Variants in NPC1 observed in about 807,000 individuals in gnomAD.
NPC1 encodes the protein Niemann-Pick C1 protein.
NPC1 carries 85 observed loss-of-function variants against 140.4 expected under a neutral mutation model. The observed-to-expected ratio is 0.61, with a 90% CI of 0.51 to 0.72. NPC1 has a LOEUF of 0.72. NPC1 is among the 30% of genes least tolerant of loss of function. The probability of loss-of-function intolerance (pLI) is 0.00; values close to 1 mark genes in which losing one functional copy is unlikely to be tolerated. For missense variants in NPC1, 1,504 were observed against 1,623.8 expected (o/e 0.93, Z 1.27); for synonymous variants, 656 against 624.8 (o/e 1.05, Z -0.74).
In NPC1 at chr18:23,531,783, TG is replaced by T; in HGVS notation, c.*418del. The T allele has an allele frequency of 6.4e-7, 1 of 1,553,914 alleles. No homozygotes were observed. Among genetic ancestry groups the T allele is most frequent in the South Asian group, 1.2e-5 (1 of 81,700 alleles). ...TAATAAAGCTCTTTAAACTATAAAA[TG>T]TTATAAAGTGTATCTACAACCTCAA... On this transcript the variant is annotated 3_prime_UTR_variant, in exon 25 of 25. Transcript: ENST00000269228.
At chr18:23,539,280 G>A (rs773650292) in intron 19 of NPC1, 75 bp downstream of exon 19, 55 of 987,972 alleles carry the variant, frequency 5.6e-5, no homozygotes, top group Non-Finnish European at 8.2e-5. Context: ...ACTGAGGCAC[G>A]ATGCAAATGA....
At chr18:23,566,947 T>C (rs766557182) in intron 4 of NPC1, among the ~76,000 whole-genome samples, 2 of 152,222 alleles carry the variant, frequency 1.3e-5, no homozygotes, top group Admixed American at 6.5e-5. Context: ...TCTTTTCAGA[T>C]TGGCTTTGCT....
At chr18:23,549,208 T>C (rs2058832290) in intron 10 of NPC1, among the ~76,000 whole-genome samples, 1 of 152,186 alleles carries the variant, frequency 6.6e-6, no homozygotes, top group Admixed American at 6.5e-5. Flanking sequence ...TTTTTTCTTC[T>C]TTTTTAGAGA....
Position 23,557,182 on chromosome 18 carries a change from T to A in NPC1, c.890A>T (p.Tyr297Phe), listed in dbSNP as rs776844130. The A allele has an allele frequency of 6.2e-7, 1 of 1,612,766 alleles. No individual in the cohort carries two copies. The highest frequency in any genetic ancestry group is 8.5e-7 in the Non-Finnish European group (1 of 1,179,340). ...FFAVWCYRKR[Y>F]FVSEYTPIDS... ...GATGGGAGTGTACTCGGAGACAAAA[T>A]ACCGTTTTCTGAAAAACAGAAGTGA... The change falls in exon 7 of 25, where the codon TAT (tyrosine) becomes TTT (phenylalanine). Residue 297 changes from tyrosine (Y) to phenylalanine (F), a missense_variant. By Grantham distance (22) the Tyr-to-Phe change is conservative (BLOSUM62 3). Transcript: ENST00000269228.
At position 23,533,400 on chromosome 18, in the gene NPC1, C is replaced by T. The variant is rs775550233; in HGVS notation, c.3709G>A (p.Ala1237Thr). The stretch of plus-strand genomic sequence containing the variant: ...GGGAGAAATATTAATCCGTGAGTGG[C>T]TCCCAGTAAGACCATGGCCAAATAC... ...RMYLAMVLLG[A>T]THGLIFLPVL... The change falls in exon 24 of 25, where the codon GCC becomes ACC. Residue 1237 changes from alanine to threonine, a missense_variant. Transcript: ENST00000269228. 6.2e-7 allele frequency: 1 copy of T among 1,614,148 alleles called. No individual in the cohort carries two copies. The highest frequency in any genetic ancestry group is 1.1e-5 in the South Asian group (1 of 91,080).
At position 23,556,547 on chromosome 18, in the gene NPC1, C is replaced by A; in HGVS notation, c.1022G>T (p.Arg341Leu). ...FEGCLRRLFT[R>L]WGSFCVRNPG... ...GTTTCGGACGCAGAAAGACCCCCAG[C>A]GTGTGAACAGCCGCCTCAAGCAGCC... The change falls in exon 8 of 25, where the codon CGC (arginine) becomes CTC (leucine). Residue 341 changes from arginine (R) to leucine (L), a missense_variant. By Grantham distance (102) the Arg-to-Leu change is moderately radical (BLOSUM62 -2). Coordinates refer to ENST00000269228, the MANE Select transcript of NPC1 (RefSeq NM_000271.5). 2 of 1,614,098 alleles carry A rather than the reference C, an allele frequency of 1.2e-6. No individual in the cohort carries two copies. Among genetic ancestry groups the A allele is most frequent in the African/African-American group, 1.3e-5 (1 of 75,016 alleles).
intron 9 of NPC1, among the ~76,000 whole-genome samples, chr18:23,553,242 CAG>C (rs2058900430): frequency 6.6e-6 from 1 of 152,216 alleles, no homozygotes; most frequent in African/African-American, 2.4e-5. Context: ...TCTTGTGCCA[CAG>C]AGAGTAAACT....
At chr18:23,546,243 T>C (rs1252131256) in intron 11 of NPC1, among the ~76,000 whole-genome samples, 1 of 87,138 alleles carries the variant, frequency 1.1e-5, no homozygotes, top group Non-Finnish European at 2.0e-5. Context: ...AGCAAGACTC[T>C]GTCTCAAAAA....
chr18:23,563,661 G>A (rs1171881567), intron 4 of NPC1, among the ~76,000 whole-genome samples: 2 of 152,172 alleles, frequency 1.3e-5, no homozygotes, highest in African/African-American at 4.8e-5. Flanking sequence ...TGATCCACCT[G>A]CCTTGGCCGT....
At chr18:23,525,895 C>G (rs545801384), downstream of NPC1, among the ~76,000 whole-genome samples, 158 of 152,328 alleles carry the variant, frequency 1.0e-3, no homozygotes, top group African/African-American at 3.7e-3. Flanking sequence ...AGCCCTGATG[C>G]TGTAGGCATC....
intron 18 of NPC1, 146 bp downstream of exon 18, chr18:23,539,665 G>T: frequency 3.1e-6 from 3 of 982,526 alleles, no homozygotes; most frequent in Non-Finnish European, 4.7e-6. Context: ...GGTTTTTTAA[G>T]GTAAAGCCAG....
chr18:23,532,556 A>G (rs571650173), intron 24 of NPC1, among the ~76,000 whole-genome samples: 22 of 152,166 alleles, frequency 1.4e-4, no homozygotes, highest in Non-Finnish European at 3.2e-4. Flanking sequence ...TTCCTGCCTC[A>G]GCCTAACAAG....
intron 20 of NPC1, among the ~76,000 whole-genome samples, chr18:23,537,089 G>A (rs1411070043): frequency 6.6e-6 from 1 of 151,618 alleles, no homozygotes; most frequent in African/African-American, 2.4e-5. Flanking sequence ...TTTATTTTGA[G>A]ACAGAGTCTT....
chr18:23,539,920 C>A lies in NPC1; in HGVS notation c.2686G>T (p.Gly896Trp). 1 of 1,614,176 alleles carries A rather than the reference C, an allele frequency of 6.2e-7. No homozygotes were observed. Among genetic ancestry groups the A allele is most frequent in the South Asian group, 1.1e-5 (1 of 91,080 alleles). The part of the protein sequence containing the change: ...GPPVYFVLEE[G>W]HDYTSSKGQN... ...CCCTTGGAAGAAGTGTAGTCGTGCC[C>A]TTCCTCCAGGACAAAGTACACAGGC... The change falls in exon 18 of 25, where the codon GGG becomes TGG. Residue 896 changes from glycine to tryptophan, a missense_variant. Gly to Trp is a radical substitution (Grantham distance 184, BLOSUM62 -2). Transcript: ENST00000269228.
chr18:23,556,745 T>A, intron 7 of NPC1, 132 bp from the exon 8 acceptor site: 1 of 1,367,470 alleles, frequency 7.3e-7, no homozygotes, highest in Non-Finnish European at 1.0e-6. Context: ...ATGAGACCCC[T>A]GCCCTCAGCT....
chr18:23,561,411 A>G lies in NPC1; in HGVS notation c.580T>C (p.Phe194Leu), dbSNP rs536283206. Residue 194 changes from phenylalanine (F) to leucine (L), a missense_variant, in exon 5 of 25, where the codon TTC (phenylalanine) becomes CTC (leucine). Phe to Leu is a conservative substitution (Grantham distance 22, BLOSUM62 0). Coordinates refer to ENST00000269228, the MANE Select transcript of NPC1 (RefSeq NM_000271.5). ...CNATNWIEYM[F>L]NKDNGQAPFT... The stretch of plus-strand genomic sequence containing the variant: ...GGTGCCTGTCCATTGTCCTTATTGA[A>G]CATGTATTCAATCCAGTTGGTGGCA... 1 of 1,614,200 alleles carries G rather than the reference A, an allele frequency of 6.2e-7. No homozygotes were observed. Among genetic ancestry groups the G allele is most frequent in the South Asian group, 1.1e-5 (1 of 91,090 alleles).
At chr18:23,584,897 T>C (rs1041333743) in intron 1 of NPC1, among the ~76,000 whole-genome samples, 2 of 152,136 alleles carry the variant, frequency 1.3e-5, no homozygotes, top group Admixed American at 6.5e-5. Context: ...TCTAAAACTC[T>C]AGGAGGGGCC....
chr18:23,572,394 A>G (rs1223240811), intron 2 of NPC1, among the ~76,000 whole-genome samples: 1 of 152,160 alleles, frequency 6.6e-6, no homozygotes, highest in Non-Finnish European at 1.5e-5. Context: ...TTTTCTTTTT[A>G]TTTGGAAGCT....
downstream of NPC1, chr18:23,518,925 A>C: frequency 6.2e-7 from 1 of 1,614,180 alleles, no homozygotes. Context: ...TTGAGGCATC[A>C]TTCTCGGACC....
Sources: allele counts gnomAD v4.1 joint callset (sites outside exome capture counted in the v4.1 genomes callset), GRCh38; gene constraint gnomAD v4.1.1; transcripts MANE v1.5; gene names NCBI Gene and HGNC (gene_info 2026-07-23, HGNC 2026-07-21).